DRD3: variants seen among roughly 807,000 people sequenced by gnomAD.
The protein encoded by DRD3 is D(3) dopamine receptor.
Under a neutral mutation model 36.3 loss-of-function variants are expected in DRD3, and 19 were observed. The observed-to-expected ratio is 0.52, with a 90% CI of 0.36 to 0.77. The LOEUF (loss-of-function observed/expected upper bound fraction) is 0.77, where lower values mean the gene tolerates loss of function less well. DRD3 is among the 30% of genes least tolerant of loss of function. The pLI is 0.00. For synonymous variants in DRD3, 195 were observed against 203.7 expected, an observed-to-expected ratio of 0.96 and a Z score of 0.36; for missense variants, 465 against 505.3, an observed-to-expected ratio of 0.92 and a Z score of 0.77.
In DRD3 at chr3:114,132,310, A is replaced by G. The variant is rs200916129; in HGVS notation, c.724-910T>C. 6.7e-4 allele frequency among the ~76,000 whole-genome samples: 102 copies of G among 152,328 alleles called. 3 individuals are homozygous for G. In the East Asian group the frequency reaches 0.011, roughly 16 times the overall value. On this transcript the variant is annotated intron_variant, in intron 5 of 6. Transcript: ENST00000383673. ...CCTCAGCAAACTAACATAGGAAGAG[A>G]AAACCAAACACCACATGTTCTCACT...
chr3:114,153,388 G>C (rs1022108336), intron 3 of DRD3, among the ~76,000 whole-genome samples: 1 of 152,022 alleles, frequency 6.6e-6, no homozygotes. Flanking sequence ...GTTCATATCA[G>C]TGAGTTTATG....
Position 114,127,722 on chromosome 3 carries a change from A to T in DRD3, c.*994T>A, listed in dbSNP as rs2077392434. On this transcript the variant is annotated 3_prime_UTR_variant, in exon 7 of 7. Coordinates refer to ENST00000383673, the MANE Select transcript of DRD3 (RefSeq NM_000796.6). ...CATGTAAATAATGCATTGAGCTATG[A>T]TGTTGCAACAGCTATGACATCATTA... 6.6e-6 allele frequency among the ~76,000 whole-genome samples: 1 copy of T among 152,198 alleles called. No individual in the cohort carries two copies. Among genetic ancestry groups the T allele is most frequent in the African/African-American group, 2.4e-5 (1 of 41,448 alleles).
chr3:114,154,335 G>A (rs1317472505), intron 3 of DRD3, among the ~76,000 whole-genome samples: 2 of 151,878 alleles, frequency 1.3e-5, no homozygotes, highest in Admixed American at 1.3e-4. Context: ...ATGTGTGTGT[G>A]TGTGTGTGTG....
chr3:114,131,311 T>A lies in DRD3; in HGVS notation c.813A>T (p.Glu271Asp). The A allele has an allele frequency of 6.2e-7, 1 of 1,614,192 alleles. No homozygotes were observed. The highest frequency in any genetic ancestry group is 1.3e-5 in the African/African-American group (1 of 75,024). ...DTALGGPGFQ[E>D]RGGELKREEK... is the part of the protein sequence containing the mutation. ...CCTCTCTTTTCAACTCTCCTCCTCT[T>A]TCTTGGAAGCCTGGTCCACCCAAGG... Residue 271 changes from glutamate (E) to aspartate (D), a missense_variant, in exon 6 of 7, where the codon GAA (glutamate) becomes GAT (aspartate). Coordinates refer to ENST00000383673, the MANE Select transcript of DRD3 (RefSeq NM_000796.6).
chr3:114,175,404 A>G (rs1408921272), intron 1 of DRD3, among the ~76,000 whole-genome samples: 1 of 152,180 alleles, frequency 6.6e-6, no homozygotes, highest in Non-Finnish European at 1.5e-5. Context: ...GACATTCTTA[A>G]TGTCATCATG....
At chr3:114,166,861 A>G (rs970933749) in intron 2 of DRD3, among the ~76,000 whole-genome samples, 1 of 152,112 alleles carries the variant, frequency 6.6e-6, no homozygotes, top group Non-Finnish European at 1.5e-5. Context: ...AATAATCTCC[A>G]AGCCCTTCCA....
At chr3:114,152,141 C>T (rs1482579508) in intron 3 of DRD3, among the ~76,000 whole-genome samples, 2 of 152,072 alleles carry the variant, frequency 1.3e-5, no homozygotes, top group East Asian at 3.9e-4. Flanking sequence ...CGTGGTGATT[C>T]GCGAGATCCT....
intron 5 of DRD3, among the ~76,000 whole-genome samples, chr3:114,134,811 T>C (rs1035868302): frequency 2.6e-5 from 4 of 152,206 alleles, no homozygotes; most frequent in African/African-American, 9.7e-5. Context: ...AAAATTCATA[T>C]ATAATAATTT....
intron 3 of DRD3, among the ~76,000 whole-genome samples, chr3:114,155,202 T>C (rs970907447): frequency 3.3e-5 from 5 of 152,206 alleles, no homozygotes; most frequent in Non-Finnish European, 5.9e-5. Context: ...TTTTAATGAA[T>C]TGACCAGCTA....
intron 2 of DRD3, among the ~76,000 whole-genome samples, chr3:114,162,862 C>T (rs2077746901): frequency 6.6e-6 from 1 of 152,146 alleles, no homozygotes. Flanking sequence ...GTGTGACAGA[C>T]CATATCATCT....
intron 1 of DRD3, among the ~76,000 whole-genome samples, chr3:114,184,621 A>G (rs556333169): frequency 2.5e-5 from 3 of 120,452 alleles, no homozygotes; most frequent in Non-Finnish European, 5.8e-5. Context: ...TAATGTGGTA[A>G]TGCTCCTCAG....
At chr3:114,135,787 T>G (rs1179384218) in intron 5 of DRD3, among the ~76,000 whole-genome samples, 1 of 152,182 alleles carries the variant, frequency 6.6e-6, no homozygotes, top group Non-Finnish European at 1.5e-5. Flanking sequence ...CTTCCTGGGT[T>G]AGAGTGATTC....
upstream of DRD3, among the ~76,000 whole-genome samples, chr3:114,180,196 T>A (rs1040910126): frequency 1.3e-5 from 2 of 152,048 alleles, no homozygotes; most frequent in Non-Finnish European, 2.9e-5. Flanking sequence ...TAATAATACA[T>A]TTGTATATAA....
At chr3:114,175,264 G>C (rs2077886988) in intron 1 of DRD3, among the ~76,000 whole-genome samples, 1 of 152,112 alleles carries the variant, frequency 6.6e-6, no homozygotes, top group Admixed American at 6.5e-5. Flanking sequence ...TAGAAATATA[G>C]TTGCTTTTAT....
chr3:114,176,722 T>C (rs918160765), intron 1 of DRD3, among the ~76,000 whole-genome samples: 1 of 152,164 alleles, frequency 6.6e-6, no homozygotes, highest in Non-Finnish European at 1.5e-5. Context: ...ATTTCACAGA[T>C]CTCTGGCTGT....
rs1278651634 is a variant in DRD3, at chr3:114,156,219, G to A, written c.383+3536C>T. The stretch of plus-strand genomic sequence containing the variant: ...CCAAGTTAGTAATCTTAAACTTTGT[G>A]CTAACCTCCCTAAATCTCCAACTAC... On this transcript the variant is annotated intron_variant, in intron 3 of 6. Coordinates refer to ENST00000383673, the MANE Select transcript of DRD3 (RefSeq NM_000796.6). Among the ~76,000 whole-genome samples the A allele has an allele frequency of 2.0e-5, 3 of 152,126 alleles. No individual in the cohort carries two copies. The South Asian group carries it at 6.2e-4, about 32-fold the overall frequency.
chr3:114,182,038 T>C (rs370951670), upstream of DRD3, among the ~76,000 whole-genome samples: 3 of 152,308 alleles, frequency 2.0e-5, no homozygotes, highest in East Asian at 5.8e-4. Context: ...CTGGAAGATT[T>C]GATTATCATG....
At chr3:114,152,921 C>T (rs1254869660) in intron 3 of DRD3, among the ~76,000 whole-genome samples, 1 of 152,258 alleles carries the variant, frequency 6.6e-6, no homozygotes, top group Non-Finnish European at 1.5e-5. Flanking sequence ...GCGCTCGCGG[C>T]GGTATTCCCA....
chr3:114,161,541 C>A (rs572603864), intron 2 of DRD3, among the ~76,000 whole-genome samples: 3 of 152,226 alleles, frequency 2.0e-5, no homozygotes, highest in Non-Finnish European at 4.4e-5. Context: ...TTTTGAGAAA[C>A]CCTGACCAAT....
Sources: allele counts gnomAD v4.1 joint callset (sites outside exome capture counted in the v4.1 genomes callset), GRCh38; gene constraint gnomAD v4.1.1; transcripts MANE v1.5; gene names NCBI Gene and HGNC (gene_info 2026-07-23, HGNC 2026-07-21).